Variants in LHX4 observed in about 807,000 individuals in gnomAD.
The protein encoded by LHX4 is LIM homeobox 4.
Under a neutral mutation model 39.2 loss-of-function variants are expected in LHX4, and 16 were observed. The ratio of observed to expected loss-of-function variants is 0.41; its 90% CI spans 0.28 to 0.62. LHX4 has a LOEUF of 0.62. Ranked by LOEUF, LHX4 falls within the 20% of genes least tolerant of loss-of-function variation. The probability of loss-of-function intolerance (pLI) is 0.33; values close to 1 mark genes in which losing one functional copy is unlikely to be tolerated. For synonymous variants in LHX4, 206 were observed against 198.1 expected (o/e 1.04, Z -0.33); for missense variants, 439 against 511.9 (o/e 0.86, Z 1.37).
intron 1 of LHX4, among the ~76,000 whole-genome samples, chr1:180,242,691 G>T (rs1387049036): frequency 6.6e-6 from 1 of 152,156 alleles, no homozygotes; most frequent in Non-Finnish European, 1.5e-5. Context: ...CATTTCCAAA[G>T]ATTCTTTGGC....
rs961690108 is a variant in LHX4 at position 180,274,501 on chromosome 1, A to G, written c.1095A>G (p.Thr365=). The change falls in exon 6 of 6, where the codon ACA becomes ACG. Residue 365 remains threonine, a synonymous_variant. Coordinates refer to ENST00000263726, the MANE Select transcript of LHX4 (RefSeq NM_033343.4). ...MAGGPTSDIS[T]GSSVGYPDFP... is the part of the protein sequence containing the mutation. ...GGGGACCCACCTCTGACATCTCCAC[A>G]GGAAGCAGTGTAGGCTATCCCGACT... 1.9e-6 allele frequency: 3 copies of G among 1,613,382 alleles called. No individual in the cohort carries two copies. Among genetic ancestry groups the G allele is most frequent in the African/African-American group, 1.3e-5 (1 of 74,924 alleles).
intron 2 of LHX4, among the ~76,000 whole-genome samples, chr1:180,263,355 G>A (rs1008638662): frequency 6.6e-6 from 1 of 152,272 alleles, no homozygotes; most frequent in Admixed American, 6.5e-5. Context: ...CTAAGATCTG[G>A]GAATGGGGAC....
At position 180,266,940 on chromosome 1, in the gene LHX4, C is replaced by T. The variant is rs1384504998; in HGVS notation, c.451+346C>T. Among the ~76,000 whole-genome samples, 1 of 152,130 alleles carries T rather than the reference C, an allele frequency of 6.6e-6. No individual in the cohort carries two copies. The highest frequency in any genetic ancestry group is 1.5e-5 in the Non-Finnish European group (1 of 68,014). On this transcript the variant is annotated intron_variant, in intron 3 of 5. Coordinates refer to ENST00000263726, the MANE Select transcript of LHX4 (RefSeq NM_033343.4). The surrounding 1 kb of genome is among the most constrained non-coding windows in gnomAD (Gnocchi z 5.7). ...TGGGGTGCTGAGGGGTGGCTGGGAG[C>T]TTGGTCTGTATTGGACACGTGGGGC...
chr1:180,236,978 C>G (rs1394606719), intron 1 of LHX4, among the ~76,000 whole-genome samples: 3 of 152,286 alleles, frequency 2.0e-5, no homozygotes, highest in East Asian at 1.9e-4. Flanking sequence ...TTGCCTTTCT[C>G]CCTTCCTGGA....
chr1:180,269,595 T>G (rs562440673), intron 3 of LHX4: 1 of 152,352 alleles, frequency 6.6e-6, no homozygotes, highest in South Asian at 2.1e-4. Flanking sequence ...TGAAAAGAAT[T>G]TATAATTCCG....
chr1:180,259,762 G>T (rs370374202), intron 2 of LHX4, among the ~76,000 whole-genome samples: 2 of 151,846 alleles, frequency 1.3e-5, no homozygotes, highest in East Asian at 3.9e-4. Flanking sequence ...TCGCCCTGGG[G>T]TCTGCTGGGT....
chr1:180,277,880 G>GA lies in LHX4; in HGVS notation c.*3301_*3302insA, dbSNP rs1044859976. On this transcript the variant is annotated 3_prime_UTR_variant, in exon 6 of 6. Coordinates refer to ENST00000263726, the MANE Select transcript of LHX4 (RefSeq NM_033343.4). ...GGCAGTGTCCTTAAACTTTTTTTGG[G>GA]GGGGGGCAGTGTAAAACATGAAACC... is the stretch of plus-strand genomic sequence containing the variant. 3 of 149,742 alleles carry GA rather than the reference G, an allele frequency of 2.0e-5. No homozygotes were observed. The highest frequency in any genetic ancestry group is 3.0e-5 in the Non-Finnish European group (2 of 67,332). The allele number at this position is 149,742 out of a possible 1,614,324, so 9.3% of individuals were successfully genotyped here.
At position 180,232,290 on chromosome 1, in the gene LHX4, CTGTT is replaced by C. The variant is rs761573808; in HGVS notation, c.76+1686_76+1689del. 4.6e-5 allele frequency among the ~76,000 whole-genome samples: 7 copies of C among 152,318 alleles called. No homozygotes were observed. The highest frequency in any genetic ancestry group is 8.8e-5 in the Non-Finnish European group (6 of 68,030). The stretch of plus-strand genomic sequence containing the variant: ...TGGCTGTGGTCCGTAGGTGACCTGT[CTGTT>C]GGGACCCCAATGAAGGACGATGGTC... On this transcript the variant is annotated intron_variant, in intron 1 of 5. Transcript: ENST00000263726. This position sits in a 1 kb window ranked among gnomAD's most constrained non-coding sequence, Gnocchi z 5.4.
At chr1:180,272,886 C>T (rs554680543) in intron 5 of LHX4, 2 of 152,338 alleles carry the variant, frequency 1.3e-5, no homozygotes, top group South Asian at 4.1e-4. Flanking sequence ...AAGCCTGGCA[C>T]ATTTGTATAC....
At chr1:180,240,257 C>A (rs1376354980) in intron 1 of LHX4, among the ~76,000 whole-genome samples, 3 of 152,182 alleles carry the variant, frequency 2.0e-5, no homozygotes, top group African/African-American at 7.2e-5. Context: ...TGGTCTCGAA[C>A]TTCTGGGTTC....
At chr1:180,247,661 G>A (rs188623198) in intron 1 of LHX4, among the ~76,000 whole-genome samples, 39 of 152,306 alleles carry the variant, frequency 2.6e-4, no homozygotes, top group African/African-American at 9.4e-4. Flanking sequence ...CTGCAGCACC[G>A]GAAGGCACAT....
At chr1:180,255,871 C>G (rs1396127971) in intron 2 of LHX4, among the ~76,000 whole-genome samples, 2 of 152,254 alleles carry the variant, frequency 1.3e-5, no homozygotes, top group Non-Finnish European at 2.9e-5. Context: ...TTGGAATCAC[C>G]TAGCTGCAAA....
chr1:180,247,466 C>A (rs977365511), intron 1 of LHX4, among the ~76,000 whole-genome samples: 2 of 152,172 alleles, frequency 1.3e-5, no homozygotes, highest in Non-Finnish European at 2.9e-5. Context: ...CAATACCCAC[C>A]AAAGCACTTC....
rs1271276524 is a variant in LHX4, at chr1:180,234,094, T to C, written c.76+3489T>C. Among the ~76,000 whole-genome samples the C allele has an allele frequency of 6.8e-6, 1 of 146,750 alleles. No homozygotes were observed. Among genetic ancestry groups the C allele is most frequent in the Non-Finnish European group, 1.5e-5 (1 of 66,710 alleles). On this transcript the variant is annotated intron_variant, in intron 1 of 5. Coordinates refer to ENST00000263726, the MANE Select transcript of LHX4 (RefSeq NM_033343.4). This position sits in a 1 kb window ranked among gnomAD's most constrained non-coding sequence, Gnocchi z 4.8. ...CCAAGACAGGAGTTCACTCAAACGC[T>C]GGTGCTGTTCGCTCTTCTTTCCATT...
chr1:180,273,980 G>T lies in LHX4; in HGVS notation c.779-205G>T, dbSNP rs1571299527. On this transcript the variant is annotated intron_variant, in intron 5 of 5. Coordinates refer to ENST00000263726, the MANE Select transcript of LHX4 (RefSeq NM_033343.4). The stretch of plus-strand genomic sequence containing the variant: ...TCTGGGACCTGGGAATTTAGTCTTT[G>T]CAGGTGTTTCTTGTTTTTCTCCTTG... 7 of 609,728 alleles carry T rather than the reference G, an allele frequency of 1.1e-5. No individual in the cohort carries two copies. The East Asian group carries it at 1.7e-4, about 15-fold the overall frequency. The allele number at this position is 609,728 out of a possible 1,614,324, so 37.8% of individuals were successfully genotyped here.
chr1:180,266,074 A>G lies in LHX4; in HGVS notation c.249-318A>G, dbSNP rs1648295854. ...AGACAGCCTGCTTTGAGGGACTTAG[A>G]AAGTCCACCTGCTCCCCCTGTGAAT... is the stretch of plus-strand genomic sequence containing the variant. On this transcript the variant is annotated intron_variant, in intron 2 of 5. Coordinates refer to ENST00000263726, the MANE Select transcript of LHX4 (RefSeq NM_033343.4). The surrounding 1 kb of genome is among the most constrained non-coding windows in gnomAD (Gnocchi z 5.7). Among the ~76,000 whole-genome samples, 4 of 152,110 alleles carry G rather than the reference A, an allele frequency of 2.6e-5. No homozygotes were observed. The highest frequency in any genetic ancestry group is 1.9e-4 in the East Asian group (1 of 5,190).
intron 1 of LHX4, among the ~76,000 whole-genome samples, chr1:180,235,104 C>G (rs1156578752): frequency 6.6e-6 from 1 of 152,250 alleles, no homozygotes. Flanking sequence ...CGGCTTTGCG[C>G]TTACTGCGTC....
chr1:180,251,299 C>G (rs1358422541), intron 2 of LHX4, among the ~76,000 whole-genome samples: 1 of 152,198 alleles, frequency 6.6e-6, no homozygotes, highest in African/African-American at 2.4e-5. Context: ...TGGTGGGCTG[C>G]CGCCTCCACA....
chr1:180,229,938 G>GGGCGGAGGCGGAGGCGGA (rs1206144112), upstream of LHX4, among the ~76,000 whole-genome samples: 4 of 101,956 alleles, frequency 3.9e-5, 2 homozygotes, highest in African/African-American at 1.2e-4. Context: ...CGCCACGGCT[G>GGGCGGAGGCGGAGGCGGA]GGCGGAGGCG....
Sources: allele counts gnomAD v4.1 joint callset (sites outside exome capture counted in the v4.1 genomes callset), GRCh38; gene constraint gnomAD v4.1.1; non-coding constraint Gnocchi (gnomAD v3.1); transcripts MANE v1.5; gene names NCBI Gene and HGNC (gene_info 2026-07-23, HGNC 2026-07-21).